NTNG1: variants seen among roughly 807,000 people sequenced by gnomAD.
NTNG1 encodes netrin-G1.
In NTNG1, 16 loss-of-function variants were observed where a neutral mutation model predicts 54.0. The observed-to-expected ratio is 0.30, with a 90% confidence interval of 0.20 to 0.45. The LOEUF (loss-of-function observed/expected upper bound fraction) is 0.45. Ranked by LOEUF, NTNG1 falls within the 20% of genes least tolerant of loss-of-function variation. The pLI is 1.00. For missense variants in NTNG1, 530 were observed against 678.7 expected (o/e 0.78, Z 2.43); for synonymous variants, 255 against 263.1 (o/e 0.97, Z 0.30).
At position 107,148,396 on chromosome 1, in the gene NTNG1, T is replaced by A; in HGVS notation, c.-198T>A. On this transcript the variant is annotated 5_prime_UTR_variant, in exon 2 of 8. Transcript: ENST00000370068. ...CACCAAAGTCCTCAATATACCTGAA[T>A]ACGCACAATATCTTAACTCTTCATA... The A allele has an allele frequency of 1.8e-6, 1 of 566,066 alleles. No individual in the cohort carries two copies. The highest frequency in any genetic ancestry group is 2.2e-5 in the South Asian group (1 of 44,890). 35.1% of individuals were successfully genotyped at this position (566,066 alleles called of 1,614,324 possible). A position where few individuals can be genotyped will look rare whatever the true frequency, so the allele number is the denominator to read the frequency against.
rs569743944 is a variant in NTNG1 at position 107,250,765 on chromosome 1, AG to A, written c.247-73515del. Among the ~76,000 whole-genome samples, 572 of 152,064 alleles carry A rather than the reference AG, an allele frequency of 3.8e-3. 4 individuals are homozygous for A. The highest frequency in any genetic ancestry group is 6.6e-3 in the Non-Finnish European group (447 of 68,012). On this transcript the variant is annotated intron_variant, in intron 2 of 7. Transcript: ENST00000370068. Reference sequence around the variant, plus strand: ...CATTGGAAGTGAGCTGCTCCTGGAGAGGAAGAGAGATAGGGTGACCTTGGTC... The same window carrying A: ...CATTGGAAGTGAGCTGCTCCTGGAGAGAAGAGAGATAGGGTGACCTTGGTC...
At chr1:107,250,620 A>G (rs1257131468) in intron 2 of NTNG1, among the ~76,000 whole-genome samples, 1 of 152,228 alleles carries the variant, frequency 6.6e-6, no homozygotes, top group Non-Finnish European at 1.5e-5. Flanking sequence ...GAAAAAGGGA[A>G]GAAGAGAGAG....
chr1:107,220,907 T>C (rs1660297043), intron 2 of NTNG1, among the ~76,000 whole-genome samples: 1 of 152,196 alleles, frequency 6.6e-6, no homozygotes, highest in African/African-American at 2.4e-5. Context: ...TATGTTACCA[T>C]TTTGATGTGT....
At chr1:107,367,727 CTGTT>C (rs1282877918) in intron 3 of NTNG1, among the ~76,000 whole-genome samples, 7 of 151,710 alleles carry the variant, frequency 4.6e-5, no homozygotes, top group South Asian at 2.1e-4. Context: ...TTTTTTCTGT[CTGTT>C]TGTTTGGTTT....
At chr1:107,467,376 A>C (rs187437926) in intron 7 of NTNG1, among the ~76,000 whole-genome samples, 47 of 152,382 alleles carry the variant, frequency 3.1e-4, no homozygotes, top group Non-Finnish European at 5.7e-4. Context: ...GCATGAACCT[A>C]TATTAACAAT....
chr1:107,355,832 C>T (rs1248245322), intron 3 of NTNG1, among the ~76,000 whole-genome samples: 2 of 152,090 alleles, frequency 1.3e-5, no homozygotes, highest in South Asian at 2.1e-4. Context: ...AACTCTAGGC[C>T]ACAGAGATTC....
intron 3 of NTNG1, among the ~76,000 whole-genome samples, chr1:107,367,882 C>T (rs1291797797): frequency 1.3e-5 from 2 of 152,088 alleles, no homozygotes; most frequent in Non-Finnish European, 2.9e-5. Context: ...CCACCTCAGC[C>T]TCCTGAGTAG....
chr1:107,245,721 G>A (rs1662152447), intron 2 of NTNG1, among the ~76,000 whole-genome samples: 1 of 152,166 alleles, frequency 6.6e-6, no homozygotes. Context: ...TAGGGATTAA[G>A]AGTCACAGAA....
intron 5 of NTNG1, among the ~76,000 whole-genome samples, chr1:107,428,403 C>G (rs1355113847): frequency 6.6e-6 from 1 of 151,938 alleles, no homozygotes; most frequent in African/African-American, 2.4e-5. Context: ...TTCTTATTTA[C>G]TAAATAAGCT....
At chr1:107,251,614 A>G (rs1662613700) in intron 2 of NTNG1, among the ~76,000 whole-genome samples, 1 of 152,134 alleles carries the variant, frequency 6.6e-6, no homozygotes. Flanking sequence ...GGACTAGTAC[A>G]TTGGCATCTA....
At chr1:107,145,727 T>C (rs915136077) in intron 1 of NTNG1, among the ~76,000 whole-genome samples, 12 of 152,126 alleles carry the variant, frequency 7.9e-5, no homozygotes, top group African/African-American at 2.4e-5. Context: ...TTGTCAAGAA[T>C]GTCTGTTGCA....
intron 2 of NTNG1, among the ~76,000 whole-genome samples, chr1:107,219,067 T>C (rs538722674): frequency 1.3e-5 from 2 of 152,256 alleles, no homozygotes; most frequent in Admixed American, 1.3e-4. Flanking sequence ...GGCTTGGTCA[T>C]TTGACATAAT....
intron 2 of NTNG1, among the ~76,000 whole-genome samples, chr1:107,315,624 A>C (rs531752663): frequency 6.6e-6 from 1 of 152,150 alleles, no homozygotes; most frequent in Non-Finnish European, 1.5e-5. Flanking sequence ...CTTTGCCAAG[A>C]ATGATCTCCC....
intron 5 of NTNG1, chr1:107,407,974 G>A: frequency 1.5e-6 from 1 of 668,264 alleles, no homozygotes; most frequent in Non-Finnish European, 2.8e-6. Context: ...AGACTCAGGT[G>A]CAATTCCTTA....
intron 2 of NTNG1, among the ~76,000 whole-genome samples, chr1:107,321,960 C>G (rs1286269165): frequency 6.6e-6 from 1 of 152,134 alleles, no homozygotes; most frequent in Non-Finnish European, 1.5e-5. Context: ...CCTCAATTTC[C>G]TCTTCTGTAA....
chr1:107,211,804 A>G (rs1009916046), intron 2 of NTNG1, among the ~76,000 whole-genome samples: 4 of 152,176 alleles, frequency 2.6e-5, no homozygotes, highest in African/African-American at 9.7e-5. Context: ...TTGCACCTGT[A>G]TGGCATAAAG....
chr1:107,323,701 G>A (rs1298269326), intron 2 of NTNG1, among the ~76,000 whole-genome samples: 1 of 152,076 alleles, frequency 6.6e-6, no homozygotes, highest in Non-Finnish European at 1.5e-5. Flanking sequence ...ATAATTGGTG[G>A]TGAACAAAGT....
rs1209586191 is a variant in NTNG1, at chr1:107,347,404, A to G, written c.887+22482A>G. Among the ~76,000 whole-genome samples, 7 of 152,290 alleles carry G rather than the reference A, an allele frequency of 4.6e-5. No homozygotes were observed. In the East Asian group the frequency reaches 1.4e-3, roughly 29 times the overall value. ...GTGGTGGGTGCCTGTAGCACCAGCT[A>G]CTTGGGAGGCTGAGGCAGGACGATC... On this transcript the variant is annotated intron_variant, in intron 3 of 7. Transcript: ENST00000370068.
At chr1:107,226,077 A>G (rs7513089) in intron 2 of NTNG1, among the ~76,000 whole-genome samples, 15,184 of 152,166 alleles carry the variant, frequency 0.1, 939 homozygotes, top group African/African-American at 0.17. Flanking sequence ...ATCTTGCCCA[A>G]AGTTATATAG....
Sources: gnomAD v4.1 joint callset for allele counts (sites outside exome capture counted in the v4.1 genomes callset) on GRCh38, gnomAD v4.1.1 for gene constraint, MANE v1.5 for transcripts, NCBI Gene and HGNC (gene_info 2026-07-23, HGNC 2026-07-21) for gene names.